The following PPP6R3 variants were observed in gnomAD, a reference collection of about 807,000 sequenced individuals.
PPP6R3 encodes serine/threonine-protein phosphatase 6 regulatory subunit 3.
A neutral mutation model predicts 110.7 loss-of-function variants in PPP6R3; 38 were observed. The ratio of observed to expected loss-of-function variants is 0.34; its 90% CI spans 0.26 to 0.45. The LOEUF (loss-of-function observed/expected upper bound fraction) is 0.45, where lower values mean the gene tolerates loss of function less well. Ranked by LOEUF, PPP6R3 falls within the 20% of genes least tolerant of loss-of-function variation. PPP6R3 has a pLI of 1.00. For missense variants in PPP6R3, 870 were observed against 1,062.4 expected, an observed-to-expected ratio of 0.82 and a Z score of 2.52; for synonymous variants, 369 against 373.5, an observed-to-expected ratio of 0.99 and a Z score of 0.14.
intron 1 of PPP6R3, among the ~76,000 whole-genome samples, chr11:68,472,274 C>T (rs959208054): frequency 4.6e-5 from 7 of 152,192 alleles, no homozygotes; most frequent in East Asian, 1.9e-4. Flanking sequence ...CACATTGGTG[C>T]GTGTGGTTGT....
At chr11:68,466,984 G>T (rs911085605) in intron 1 of PPP6R3, among the ~76,000 whole-genome samples, 1 of 152,140 alleles carries the variant, frequency 6.6e-6, no homozygotes, top group Non-Finnish European at 1.5e-5. Context: ...TTAGTGAGCC[G>T]CCCGCCTTGG....
chr11:68,594,319 A>AG (rs2099605712), intron 18 of PPP6R3, among the ~76,000 whole-genome samples: 71 of 140,334 alleles, frequency 5.1e-4, no homozygotes, highest in African/African-American at 1.6e-3. Context: ...AGAGAGAGAG[A>AG]AAAAGAGAGA....
At chr11:68,497,066 A>G (rs1310993569) in intron 1 of PPP6R3, among the ~76,000 whole-genome samples, 2 of 144,050 alleles carry the variant, frequency 1.4e-5, no homozygotes, top group African/African-American at 5.2e-5. Flanking sequence ...TTGTTTTTTG[A>G]GACGGAGTCT....
intron 1 of PPP6R3, among the ~76,000 whole-genome samples, chr11:68,495,721 TATTC>T (rs2099011185): frequency 6.6e-6 from 1 of 152,256 alleles, no homozygotes; most frequent in Non-Finnish European, 1.5e-5. Flanking sequence ...ACCTTTTATT[TATTC>T]ATTCATCAGT....
intron 1 of PPP6R3, among the ~76,000 whole-genome samples, chr11:68,496,177 C>G (rs1483194422): frequency 1.4e-5 from 2 of 141,890 alleles, no homozygotes; most frequent in Non-Finnish European, 1.6e-5. Flanking sequence ...TTTTTCTTTT[C>G]TTTTCTTTTT....
chr11:68,610,566 T>G (rs1942890923), intron 23 of PPP6R3, among the ~76,000 whole-genome samples: 1 of 152,166 alleles, frequency 6.6e-6, no homozygotes, highest in Non-Finnish European at 1.5e-5. Flanking sequence ...CTGTGTGACT[T>G]AGAATGTGAT....
chr11:68,613,099 A>C lies in PPP6R3; in HGVS notation c.2604A>C (p.Ser868=). The C allele has an allele frequency of 6.2e-7, 1 of 1,614,152 alleles. No homozygotes were observed. The highest frequency in any genetic ancestry group is 8.5e-7 in the Non-Finnish European group (1 of 1,180,016). ...TGQPSAPGDT[S]VNGPV ...AACCAAGCGCACCAGGTGACACTTC[A>C]GTGAATGGCCCTGTATGACGGGTGA... Residue 868 remains serine, a synonymous_variant, in exon 24 of 24, where the codon TCA becomes TCC. Coordinates refer to ENST00000393800, the MANE Select transcript of PPP6R3 (RefSeq NM_001164161.2).
chr11:68,603,273 T>C (rs2153948311), intron 21 of PPP6R3, 69 bp from the exon 22 acceptor site: 6 of 1,586,746 alleles, frequency 3.8e-6, no homozygotes, highest in Non-Finnish European at 3.4e-6. Context: ...TAGATGGGTT[T>C]GTACAGTGGT....
chr11:68,513,168 G>A (rs621863), intron 1 of PPP6R3, among the ~76,000 whole-genome samples: 9 of 152,102 alleles, frequency 5.9e-5, no homozygotes, highest in African/African-American at 9.6e-5. Flanking sequence ...CCGGCATCCC[G>A]GGGGTCTTCA....
At chr11:68,488,360 G>C (rs2098961851) in intron 1 of PPP6R3, among the ~76,000 whole-genome samples, 1 of 152,098 alleles carries the variant, frequency 6.6e-6, no homozygotes, top group Admixed American at 6.6e-5. Context: ...TTTTTGTAGA[G>C]ATGGTGTCTC....
chr11:68,577,027 G>C (rs764028209), intron 14 of PPP6R3, among the ~76,000 whole-genome samples: 1 of 152,180 alleles, frequency 6.6e-6, no homozygotes, highest in Non-Finnish European at 1.5e-5. Flanking sequence ...TTTAAGCGGG[G>C]AATAATGATA....
At chr11:68,542,798 C>T (rs1299972378) in intron 3 of PPP6R3, among the ~76,000 whole-genome samples, 3 of 152,182 alleles carry the variant, frequency 2.0e-5, no homozygotes, top group Non-Finnish European at 4.4e-5. Context: ...ATTATGCATG[C>T]TTCTTGAGTT....
intron 14 of PPP6R3, 70 bp downstream of exon 14, chr11:68,576,113 G>A: frequency 8.5e-7 from 1 of 1,183,422 alleles, no homozygotes; most frequent in African/African-American, 1.6e-5. Context: ...TCAGAAAGAT[G>A]TAAAAGATCT....
intron 1 of PPP6R3, chr11:68,505,254 C>T (rs2099069659): frequency 6.6e-6 from 1 of 152,154 alleles, no homozygotes; most frequent in African/African-American, 2.4e-5. Flanking sequence ...TTTGAGGTAC[C>T]TCCCATAATT....
At chr11:68,607,241 G>T (rs1940633716) in intron 22 of PPP6R3, among the ~76,000 whole-genome samples, 1 of 152,198 alleles carries the variant, frequency 6.6e-6, no homozygotes. Context: ...AAAGGGACTT[G>T]CCCTGCCAGA....
intron 6 of PPP6R3, among the ~76,000 whole-genome samples, chr11:68,551,860 C>T (rs1308268224): frequency 6.6e-6 from 1 of 152,194 alleles, no homozygotes; most frequent in Non-Finnish European, 1.5e-5. Context: ...AGTCTGTTTA[C>T]AGCTTTGCAG....
At chr11:68,571,516 G>A (rs999514958) in intron 12 of PPP6R3, among the ~76,000 whole-genome samples, 1 of 152,204 alleles carries the variant, frequency 6.6e-6, no homozygotes, top group Non-Finnish European at 1.5e-5. Context: ...GCTTTGTACA[G>A]GGACCTAGAG....
intron 19 of PPP6R3, among the ~76,000 whole-genome samples, chr11:68,599,196 T>G (rs2099623022): frequency 6.6e-6 from 1 of 152,210 alleles, no homozygotes; most frequent in Non-Finnish European, 1.5e-5. Context: ...TTCCTAATTA[T>G]GATAATATCC....
intron 23 of PPP6R3, among the ~76,000 whole-genome samples, chr11:68,610,558 G>T (rs1942889494): frequency 1.3e-5 from 2 of 152,304 alleles, no homozygotes; most frequent in South Asian, 4.1e-4. Flanking sequence ...TCCCAGAGCT[G>T]TGTGACTTAG....
Sources: gnomAD v4.1 joint callset for allele counts (sites outside exome capture counted in the v4.1 genomes callset) on GRCh38, gnomAD v4.1.1 for gene constraint, MANE v1.5 for transcripts, NCBI Gene and HGNC (gene_info 2026-07-23, HGNC 2026-07-21) for gene names.